Variants in TTLL11 observed in about 807,000 individuals in gnomAD.
TTLL11 encodes the protein tubulin tyrosine ligase like 11.
A neutral mutation model predicts 51.7 loss-of-function variants in TTLL11; 42 were observed. The observed-to-expected ratio is 0.81, with a 90% CI of 0.64 to 1.05. The LOEUF (loss-of-function observed/expected upper bound fraction) is 1.05. TTLL11 is among the 50% of genes least tolerant of loss of function. TTLL11 has a pLI of 0.00. For missense variants in TTLL11, 799 were observed against 940.4 expected (o/e 0.85, Z 1.97); for synonymous variants, 381 against 383.5 (o/e 0.99, Z 0.08).
intron 1 of TTLL11, among the ~76,000 whole-genome samples, chr9:122,081,481 T>A (rs1846004406): frequency 6.6e-6 from 1 of 152,220 alleles, no homozygotes; most frequent in Non-Finnish European, 1.5e-5. Flanking sequence ...TGCAGGGACA[T>A]CTGTACAACA....
intron 3 of TTLL11, among the ~76,000 whole-genome samples, chr9:122,006,981 CAAAAAAAAAAAAAAAA>C (rs71371911): frequency 2.3e-5 from 1 of 43,466 alleles, no homozygotes; most frequent in Non-Finnish European, 4.5e-5. Flanking sequence ...GATACTCTGT[CAAAAAAAAAAAAAAAA>C]AAAAAAAAAA....
chr9:121,837,778 T>A (rs1414262165), intron 8 of TTLL11, among the ~76,000 whole-genome samples: 2 of 152,156 alleles, frequency 1.3e-5, no homozygotes, highest in Non-Finnish European at 2.9e-5. Context: ...GTCCACTCCC[T>A]GTCTCTCCTC....
intron 3 of TTLL11, among the ~76,000 whole-genome samples, chr9:122,006,553 T>C (rs1213599000): frequency 6.6e-6 from 1 of 152,200 alleles, no homozygotes; most frequent in Non-Finnish European, 1.5e-5. Flanking sequence ...CTATAATAAC[T>C]AATCAAATAT....
intron 6 of TTLL11, among the ~76,000 whole-genome samples, chr9:121,932,515 G>A (rs1257409293): frequency 6.6e-6 from 1 of 152,068 alleles, no homozygotes; most frequent in East Asian, 1.9e-4. Flanking sequence ...CTAGATCCAG[G>A]GAGGAAAAGA....
At chr9:122,086,207 C>A (rs969078089) in intron 1 of TTLL11, among the ~76,000 whole-genome samples, 2 of 152,096 alleles carry the variant, frequency 1.3e-5, no homozygotes, top group African/African-American at 4.8e-5. Context: ...GAATGTGAGC[C>A]CCTTGAATTT....
At chr9:121,925,803 T>A (rs1006254139) in intron 6 of TTLL11, among the ~76,000 whole-genome samples, 1 of 152,154 alleles carries the variant, frequency 6.6e-6, no homozygotes, top group East Asian at 1.9e-4. Flanking sequence ...AATGAATGAA[T>A]GGCAGTGCCC....
At chr9:121,885,760 A>G (rs1838986684) in intron 6 of TTLL11, among the ~76,000 whole-genome samples, 1 of 151,956 alleles carries the variant, frequency 6.6e-6, no homozygotes. Flanking sequence ...ACAGGGTTTC[A>G]CTCTGTTGCA....
At position 122,090,550 on chromosome 9, in the gene TTLL11, G is replaced by A. The variant is rs139400685; in HGVS notation, c.462+2137C>T. 4.9e-3 allele frequency among the ~76,000 whole-genome samples: 750 copies of A among 152,278 alleles called. 9 individuals carry two copies. Among genetic ancestry groups the A allele is most frequent in the Non-Finnish European group, 6.0e-3 (406 of 68,018 alleles). On this transcript the variant is annotated intron_variant, in intron 1 of 8. Coordinates refer to ENST00000321582, the MANE Select transcript of TTLL11 (RefSeq NM_001139442.2). Reference sequence around the variant, plus strand: ...TTTCAGCACTCACAACTCAGCTCGGGTTTATTTCCTCCAGGAAGTCCTTCC... The same window carrying A: ...TTTCAGCACTCACAACTCAGCTCGGATTTATTTCCTCCAGGAAGTCCTTCC...
intron 6 of TTLL11, among the ~76,000 whole-genome samples, chr9:121,967,210 ATTTTTTTTTTTTTTTT>A (rs150372226): frequency 3.2e-5 from 2 of 62,994 alleles, no homozygotes; most frequent in African/African-American, 5.3e-5. Context: ...TCAGCGGGAG[ATTTTTTTTTTTTTTTT>A]TTTTTTTTTT....
chr9:122,073,865 A>G (rs767327763), intron 1 of TTLL11, among the ~76,000 whole-genome samples: 3 of 152,136 alleles, frequency 2.0e-5, no homozygotes, highest in Non-Finnish European at 2.9e-5. Context: ...ATATTTGTAC[A>G]TACTTCCAAT....
intron 1 of TTLL11, among the ~76,000 whole-genome samples, chr9:122,047,684 A>T (rs117329430): frequency 0.011 from 1,692 of 152,262 alleles, 18 homozygotes; most frequent in Middle Eastern, 0.02. Context: ...TGCTCATTTG[A>T]TATAATACCA....
At chr9:122,001,027 T>A (rs1843445905) in intron 3 of TTLL11, among the ~76,000 whole-genome samples, 1 of 152,246 alleles carries the variant, frequency 6.6e-6, no homozygotes, top group Non-Finnish European at 1.5e-5. Context: ...TTGGTTTTTT[T>A]CTTTTTCAGG....
At chr9:122,053,449 C>T (rs1845215852) in intron 1 of TTLL11, among the ~76,000 whole-genome samples, 1 of 152,116 alleles carries the variant, frequency 6.6e-6, no homozygotes, top group South Asian at 2.1e-4. Flanking sequence ...GTCCACGCAG[C>T]CCACACAGCC....
chr9:121,913,849 C>T (rs997827364), intron 6 of TTLL11, among the ~76,000 whole-genome samples: 23 of 152,118 alleles, frequency 1.5e-4, no homozygotes, highest in African/African-American at 5.3e-4. Flanking sequence ...GACAGGGCTG[C>T]GGAAATGAAG....
At position 121,822,486 on chromosome 9, in the gene TTLL11, TCGGCAGCCTGCCTGCCATTC is replaced by T; in HGVS notation, c.*81_*100del. ...TTCGTGGGGACCTCAGCTGGGCCCC[TCGGCAGCCTGCCTGCCATTC>T]CTCTGCAGGCAGAATGCCTGGGGCG... On this transcript the variant is annotated 3_prime_UTR_variant, in exon 9 of 9. Transcript: ENST00000321582. The surrounding 1 kb of genome is among the most constrained non-coding windows in gnomAD (Gnocchi z 5.8). 1 of 1,200,470 alleles carries T rather than the reference TCGGCAGCCTGCCTGCCATTC, an allele frequency of 8.3e-7. No individual in the cohort carries two copies. Among genetic ancestry groups the T allele is most frequent in the Non-Finnish European group, 1.1e-6 (1 of 893,560 alleles). 74.4% of individuals were successfully genotyped at this position (1,200,470 alleles called of 1,614,324 possible). A position where few individuals can be genotyped will look rare whatever the true frequency, so the allele number is the denominator to read the frequency against.
At chr9:121,835,124 A>T (rs1837148685) in intron 8 of TTLL11, among the ~76,000 whole-genome samples, 1 of 152,154 alleles carries the variant, frequency 6.6e-6, no homozygotes, top group Non-Finnish European at 1.5e-5. Flanking sequence ...GGCTGGACGG[A>T]GTGATCTCCG....
intron 1 of TTLL11, among the ~76,000 whole-genome samples, chr9:122,089,814 G>A (rs924492827): frequency 1.3e-5 from 2 of 151,898 alleles, no homozygotes; most frequent in African/African-American, 4.8e-5. Flanking sequence ...TTAGAGACAG[G>A]GTCTTGCTCT....
intron 1 of TTLL11, among the ~76,000 whole-genome samples, chr9:122,084,801 G>A (rs1846082073): frequency 6.6e-6 from 1 of 152,168 alleles, no homozygotes; most frequent in Non-Finnish European, 1.5e-5. Context: ...CAGGGGCACG[G>A]AGCCACTGCG....
intron 1 of TTLL11, among the ~76,000 whole-genome samples, chr9:122,057,251 C>A (rs976943588): frequency 2.0e-5 from 3 of 150,904 alleles, no homozygotes; most frequent in Non-Finnish European, 4.4e-5. Flanking sequence ...CAAGAAATGA[C>A]AAAGTGTTCC....
Sources: allele counts gnomAD v4.1 joint callset (sites outside exome capture counted in the v4.1 genomes callset), GRCh38; gene constraint gnomAD v4.1.1; non-coding constraint Gnocchi (gnomAD v3.1); transcripts MANE v1.5; gene names NCBI Gene and HGNC (gene_info 2026-07-23, HGNC 2026-07-21).